The following FGGY variants were observed in gnomAD, a reference collection of about 807,000 sequenced individuals.
The protein encoded by FGGY is FGGY carbohydrate kinase domain-containing protein.
Under a neutral mutation model 71.3 loss-of-function variants are expected in FGGY, and 72 were observed. The ratio of observed to expected loss-of-function variants is 1.01; its 90% CI spans 0.84 to 1.23. The LOEUF (loss-of-function observed/expected upper bound fraction) is 1.23. Among genes scored for constraint, FGGY ranks in the 50% most tolerant of loss-of-function variants. The pLI, the probability that FGGY is intolerant of heterozygous loss-of-function variation, is 0.00. For synonymous variants in FGGY, 251 were observed against 250.3 expected, an observed-to-expected ratio of 1.00 and a Z score of -0.02; for missense variants, 668 against 682.3, an observed-to-expected ratio of 0.98 and a Z score of 0.23.
chr1:59,374,752 T>A (rs1264321006), intron 4 of FGGY, among the ~76,000 whole-genome samples: 5 of 152,088 alleles, frequency 3.3e-5, no homozygotes, highest in Non-Finnish European at 7.4e-5. Context: ...CATCATGTCC[T>A]TTGTAGGGGC....
intron 10 of FGGY, among the ~76,000 whole-genome samples, chr1:59,634,602 G>A (rs1297999162): frequency 6.6e-6 from 1 of 152,152 alleles, no homozygotes; most frequent in East Asian, 1.9e-4. Context: ...TTTATGGAGA[G>A]GGAGAGGACA....
chr1:59,550,895 C>T (rs2095598546), intron 7 of FGGY, among the ~76,000 whole-genome samples: 1 of 152,184 alleles, frequency 6.6e-6, no homozygotes, highest in Non-Finnish European at 1.5e-5. Context: ...GGGCAAGTTA[C>T]CTGAACACTC....
intron 8 of FGGY, among the ~76,000 whole-genome samples, chr1:59,600,094 G>A (rs2096562580): frequency 6.6e-6 from 1 of 152,138 alleles, no homozygotes; most frequent in African/African-American, 2.4e-5. Flanking sequence ...ACACTATTTG[G>A]GTCAGGGAAA....
chr1:59,575,359 A>G (rs2096060748), intron 8 of FGGY, among the ~76,000 whole-genome samples: 1 of 152,148 alleles, frequency 6.6e-6, no homozygotes, highest in Admixed American at 6.6e-5. Flanking sequence ...ATCGTGCAGT[A>G]TTTATCCCTC....
At chr1:59,307,856 G>A (rs1022214271) in intron 1 of FGGY, among the ~76,000 whole-genome samples, 57 of 152,042 alleles carry the variant, frequency 3.7e-4, no homozygotes, top group African/African-American at 1.4e-3. Flanking sequence ...CCCTTAAAAA[G>A]CAGATTATTT....
chr1:59,726,141 TG>T (rs2100781681), intron 14 of FGGY, among the ~76,000 whole-genome samples: 1 of 152,248 alleles, frequency 6.6e-6, no homozygotes, highest in East Asian at 1.9e-4. Context: ...AAAAAATGAT[TG>T]TTAGATTTTT....
intron 9 of FGGY, among the ~76,000 whole-genome samples, chr1:59,613,683 C>T (rs1169168527): frequency 6.6e-6 from 1 of 151,998 alleles, no homozygotes; most frequent in East Asian, 1.9e-4. Flanking sequence ...CACAAAAAAC[C>T]CTTCAAAAAA....
chr1:59,623,374 C>G (rs1010476863), intron 9 of FGGY, among the ~76,000 whole-genome samples: 1 of 152,150 alleles, frequency 6.6e-6, no homozygotes, highest in African/African-American at 2.4e-5. Context: ...TTTACTAATT[C>G]TGTAATTTAA....
chr1:59,589,441 T>C (rs2096382133), intron 8 of FGGY, among the ~76,000 whole-genome samples: 1 of 152,158 alleles, frequency 6.6e-6, no homozygotes, highest in Non-Finnish European at 1.5e-5. Flanking sequence ...GCGGACCTAA[T>C]AGACATCTAC....
chr1:59,340,547 A>G (rs1328373461), intron 3 of FGGY, among the ~76,000 whole-genome samples: 1 of 152,198 alleles, frequency 6.6e-6, no homozygotes, highest in Non-Finnish European at 1.5e-5. Context: ...CTCTATTTTC[A>G]GTAGCCAGAC....
chr1:59,662,888 G>C (rs1198249913), intron 12 of FGGY, among the ~76,000 whole-genome samples: 1 of 152,200 alleles, frequency 6.6e-6, no homozygotes, highest in Non-Finnish European at 1.5e-5. Context: ...ACATTTGACT[G>C]TATTGAGGAA....
At chr1:59,699,215 G>T (rs1282569467) in intron 14 of FGGY, 1 of 985,046 alleles carries the variant, frequency 1.0e-6, no homozygotes, top group Non-Finnish European at 1.2e-6. Context: ...ACAGTTCTGA[G>T]ATTTTTTTTC....
chr1:59,645,091 A>T (rs1041352620), intron 11 of FGGY, among the ~76,000 whole-genome samples: 1 of 152,168 alleles, frequency 6.6e-6, no homozygotes, highest in African/African-American at 2.4e-5. Flanking sequence ...GGTTTTTACC[A>T]CTGCAAAGCA....
At chr1:59,401,886 G>T (rs1031003305) in intron 5 of FGGY, among the ~76,000 whole-genome samples, 12 of 152,194 alleles carry the variant, frequency 7.9e-5, no homozygotes, top group Non-Finnish European at 1.8e-4. Context: ...GGAGGAGGAA[G>T]GAATGGGGGA....
At chr1:59,608,373 A>G (rs1438607948) in intron 9 of FGGY, among the ~76,000 whole-genome samples, 1 of 152,048 alleles carries the variant, frequency 6.6e-6, no homozygotes, top group East Asian at 1.9e-4. Context: ...GCCTCCTGTC[A>G]TTGCACTTCT....
At chr1:59,724,320 CAA>C (rs1321972030) in intron 14 of FGGY, among the ~76,000 whole-genome samples, 1 of 135,600 alleles carries the variant, frequency 7.4e-6, no homozygotes, top group African/African-American at 2.7e-5. Flanking sequence ...ACTAAAAATA[CAA>C]AAAAAAAAAA....
chr1:59,618,280 G>A (rs2096776256), intron 9 of FGGY, among the ~76,000 whole-genome samples: 1 of 152,124 alleles, frequency 6.6e-6, no homozygotes, highest in Non-Finnish European at 1.5e-5. Context: ...AGGCCCATTA[G>A]GATTTGGTAT....
chr1:59,701,268 T>G (rs1300223129), intron 14 of FGGY, among the ~76,000 whole-genome samples: 1 of 152,174 alleles, frequency 6.6e-6, no homozygotes, highest in Admixed American at 6.5e-5. Context: ...CCAGCACAGT[T>G]CATCCTCAGT....
At chr1:59,680,327 A>C (rs1370221365) in intron 14 of FGGY, among the ~76,000 whole-genome samples, 1 of 152,138 alleles carries the variant, frequency 6.6e-6, no homozygotes, top group Non-Finnish European at 1.5e-5. Context: ...TGTCCCTCAG[A>C]AAGTCAACAG....
Sources: gnomAD v4.1 joint callset for allele counts (sites outside exome capture counted in the v4.1 genomes callset) on GRCh38, gnomAD v4.1.1 for gene constraint, MANE v1.5 for transcripts, NCBI Gene and HGNC (gene_info 2026-07-23, HGNC 2026-07-21) for gene names.